The following TMEM181 variants were observed in gnomAD, a reference collection of about 807,000 sequenced individuals.
The protein encoded by TMEM181 is transmembrane protein 181.
A neutral mutation model predicts 71.9 loss-of-function variants in TMEM181; 39 were observed. The observed-to-expected ratio is 0.54, with a 90% CI of 0.42 to 0.71. The LOEUF is 0.71. Ranked by LOEUF, TMEM181 falls within the 30% of genes least tolerant of loss-of-function variation. The pLI is 0.00. For synonymous variants in TMEM181, 245 were observed against 228.8 expected (o/e 1.07, Z -0.64); for missense variants, 595 against 583.0 (o/e 1.02, Z -0.21).
intron 6 of TMEM181, among the ~76,000 whole-genome samples, chr6:158,601,799 T>G (rs1415114342): frequency 1.3e-5 from 2 of 151,798 alleles, no homozygotes; most frequent in African/African-American, 4.8e-5. Flanking sequence ...ATACAAAAAT[T>G]ATGTGAAGTA....
At chr6:158,563,679 C>T (rs55840699) in intron 1 of TMEM181, among the ~76,000 whole-genome samples, 14,309 of 152,306 alleles carry the variant, frequency 0.094, 730 homozygotes, top group Non-Finnish European at 0.11. Context: ...CATGCTCCTG[C>T]GTGTGAGTCA....
rs1357817961 is a variant in TMEM181 at position 158,635,129 on chromosome 6, T to TA, written c.*3242dup. On this transcript the variant is annotated 3_prime_UTR_variant, in exon 17 of 17. Coordinates refer to ENST00000684151, the MANE Select transcript of TMEM181 (RefSeq NM_001376852.1). ...GTTTATCTTGGTTTGACATTGGAGA[T>TA]ACGCTAGTAACTGTGATACCATACT... 2 of 152,174 alleles carry TA rather than the reference T, an allele frequency of 1.3e-5. No homozygotes were observed. Among genetic ancestry groups the TA allele is most frequent in the African/African-American group, 2.4e-5 (1 of 41,448 alleles). The allele number at this position is 152,174 out of a possible 1,614,324, so 9.4% of individuals were successfully genotyped here.
intron 15 of TMEM181, 90 bp from the exon 16 acceptor site, chr6:158,631,232 CA>C (rs928887830): frequency 7.3e-7 from 1 of 1,360,638 alleles, no homozygotes. Flanking sequence ...CAGTTCTTTC[CA>C]ACTCCCTTCC....
chr6:158,574,423 G>T (rs890618734), intron 2 of TMEM181, among the ~76,000 whole-genome samples: 18 of 152,032 alleles, frequency 1.2e-4, no homozygotes, highest in Non-Finnish European at 2.1e-4. Flanking sequence ...TACAGCACAA[G>T]ATATATCCAT....
At position 158,608,359 on chromosome 6, in the gene TMEM181, G is replaced by A; in HGVS notation, c.700G>A (p.Val234Ile). The A allele has an allele frequency of 6.2e-7, 1 of 1,614,182 alleles. No individual in the cohort carries two copies. Among genetic ancestry groups the A allele is most frequent in the Non-Finnish European group, 8.5e-7 (1 of 1,180,042 alleles). The change falls in exon 9 of 17, where the codon GTC becomes ATC. Residue 234 changes from valine to isoleucine, a missense_variant. By Grantham distance (29) the Val-to-Ile change is conservative (BLOSUM62 3). Transcript: ENST00000684151. ...TCCGTTCTTCCCCCTCTCCTTCCTG[G>A]TCAACAGCTGGCTCCCAGGGATGCT... ...NDPFFPLSFL[V>I]NSWLPGMLDD...
intron 10 of TMEM181, chr6:158,611,620 T>C (rs559450304): frequency 4.7e-5 from 16 of 344,066 alleles, no homozygotes; most frequent in South Asian, 2.9e-4. Flanking sequence ...TGTGGAGGGG[T>C]TCCCCCTGAC....
At chr6:158,582,722 A>G (rs185806816) in intron 3 of TMEM181, among the ~76,000 whole-genome samples, 1 of 152,180 alleles carries the variant, frequency 6.6e-6, no homozygotes, top group Admixed American at 6.5e-5. Flanking sequence ...CATTCAGATA[A>G]TGCTTTTCTT....
intron 8 of TMEM181, among the ~76,000 whole-genome samples, chr6:158,607,647 A>G (rs1454179378): frequency 6.6e-6 from 1 of 152,190 alleles, no homozygotes; most frequent in East Asian, 1.9e-4. Context: ...TCCAGCCTGG[A>G]TAACAGAGCA....
At chr6:158,580,158 C>G (rs1475794138) in intron 2 of TMEM181, among the ~76,000 whole-genome samples, 1 of 152,082 alleles carries the variant, frequency 6.6e-6, no homozygotes, top group East Asian at 1.9e-4. Flanking sequence ...TGGTGAAACC[C>G]TGTCTCTACT....
chr6:158,578,985 A>C (rs1001277222), intron 2 of TMEM181, among the ~76,000 whole-genome samples: 11 of 151,812 alleles, frequency 7.2e-5, no homozygotes, highest in Non-Finnish European at 1.3e-4. Context: ...TTGGCCGGGC[A>C]TGGTGGCTCA....
chr6:158,623,874 C>T lies in TMEM181; in HGVS notation c.954+267C>T, dbSNP rs193157631. Reference sequence around the variant, plus strand: ...CTCCTGGGTTCAAGTGGTTCTCCTGCGTCAGCCTTCTGAGTAACTGGGACG... The same window carrying T: ...CTCCTGGGTTCAAGTGGTTCTCCTGTGTCAGCCTTCTGAGTAACTGGGACG... On this transcript the variant is annotated intron_variant, in intron 11 of 16. Coordinates refer to ENST00000684151, the MANE Select transcript of TMEM181 (RefSeq NM_001376852.1). 5.3e-4 allele frequency among the ~76,000 whole-genome samples: 81 copies of T among 152,098 alleles called. No homozygotes were observed. In the Middle Eastern group the frequency reaches 0.017, roughly 32 times the overall value.
In TMEM181 at chr6:158,583,934, C is replaced by CT; in HGVS notation, c.169-17dup. On this transcript the variant is annotated intron_variant, in intron 3 of 16. Transcript: ENST00000684151. The stretch of plus-strand genomic sequence containing the variant: ...CTCAATGAAAAGGTCACATGGATTA[C>CT]TTTGTTTTTTTTTCTTCAGCTAAAG... 7.6e-6 allele frequency: 12 copies of CT among 1,576,298 alleles called. No homozygotes were observed. Among genetic ancestry groups the CT allele is most frequent in the Non-Finnish European group, 9.5e-6 (11 of 1,157,710 alleles).
intron 6 of TMEM181, 31 bp downstream of exon 6, chr6:158,589,813 T>C (rs1271737974): frequency 6.9e-7 from 1 of 1,444,708 alleles, no homozygotes; most frequent in Non-Finnish European, 9.7e-7. Flanking sequence ...CACGTTTCCA[T>C]GGCTCATGTT....
chr6:158,565,019 C>G (rs1005367218), intron 1 of TMEM181, among the ~76,000 whole-genome samples: 1 of 152,168 alleles, frequency 6.6e-6, no homozygotes, highest in African/African-American at 2.4e-5. Context: ...TTGCGGAGAC[C>G]GAGATGAAGG....
In TMEM181 at chr6:158,611,255, G is replaced by A. The variant is rs1306515610; in HGVS notation, c.896+2505G>A. On this transcript the variant is annotated intron_variant, in intron 10 of 16. Transcript: ENST00000684151. Reference sequence around the variant, plus strand: ...AGGGGTGACTGTGACACTCCTGGCTGTTCCTTCTCAGTCTTGGCTGGTCCT... The same window carrying A: ...AGGGGTGACTGTGACACTCCTGGCTATTCCTTCTCAGTCTTGGCTGGTCCT... The A allele has an allele frequency of 1.6e-5, 8 of 497,040 alleles. No homozygotes were observed. In the East Asian group the frequency reaches 2.3e-4, roughly 14 times the overall value. 30.8% of individuals were successfully genotyped at this position (497,040 alleles called of 1,614,324 possible).
intron 2 of TMEM181, among the ~76,000 whole-genome samples, chr6:158,573,902 G>A (rs376446455): frequency 3.3e-5 from 5 of 152,116 alleles, no homozygotes; most frequent in African/African-American, 1.2e-4. Context: ...TGATGCAGCT[G>A]ATGGGGAGGG....
At chr6:158,579,316 G>GCATTA (rs1783340416) in intron 2 of TMEM181, among the ~76,000 whole-genome samples, 1 of 150,906 alleles carries the variant, frequency 6.6e-6, no homozygotes, top group African/African-American at 2.4e-5. Context: ...GTTCATAGCA[G>GCATTA]CATTATTCAC....
At chr6:158,605,153 T>A in intron 6 of TMEM181, 114 bp from the exon 7 acceptor site, 1 of 608,590 alleles carries the variant, frequency 1.6e-6, no homozygotes, top group Non-Finnish European at 2.9e-6. Context: ...TGTGTGTGTG[T>A]GTGTGTATGT....
intron 10 of TMEM181, among the ~76,000 whole-genome samples, chr6:158,618,478 T>C (rs1052426131): frequency 1.1e-4 from 16 of 152,238 alleles, no homozygotes; most frequent in Non-Finnish European, 1.5e-5. Flanking sequence ...AATTGGGGCA[T>C]TTAGCCCATT....
Sources: allele counts gnomAD v4.1 joint callset (sites outside exome capture counted in the v4.1 genomes callset), GRCh38; gene constraint gnomAD v4.1.1; transcripts MANE v1.5; gene names NCBI Gene and HGNC (gene_info 2026-07-23, HGNC 2026-07-21).